PHF21A: variants seen among roughly 807,000 people sequenced by gnomAD.
The protein encoded by PHF21A is BHC80a.
Under a neutral mutation model 82.5 loss-of-function variants are expected in PHF21A, and 11 were observed. That is an observed-to-expected ratio of 0.13 (90% CI 0.08 to 0.22). PHF21A has a LOEUF of 0.22. PHF21A is among the 10% of genes least tolerant of loss of function. The pLI is 1.00. For missense variants in PHF21A, 579 were observed against 837.8 expected (o/e 0.69, Z 3.81); for synonymous variants, 297 against 302.8 (o/e 0.98, Z 0.20).
intron 6 of PHF21A, among the ~76,000 whole-genome samples, chr11:46,000,747 C>G (rs2095094960): frequency 6.6e-6 from 1 of 151,840 alleles, no homozygotes. Context: ...GGGTGAAACC[C>G]CATCTCTACT....
chr11:46,120,389 G>A (rs914925331), intron 1 of PHF21A: 1 of 104,392 alleles, frequency 9.6e-6, no homozygotes, highest in Admixed American at 8.7e-5. Flanking sequence ...CGTGCCCCCC[G>A]CCCCCGCCCG....
intron 10 of PHF21A, among the ~76,000 whole-genome samples, chr11:45,964,441 G>GC (rs563917036): frequency 3.3e-5 from 5 of 152,216 alleles, no homozygotes; most frequent in Admixed American, 2.6e-4. Flanking sequence ...GCAGCAGGCA[G>GC]CATCTGAACA....
intron 10 of PHF21A, among the ~76,000 whole-genome samples, chr11:45,954,739 C>T (rs948194804): frequency 6.6e-6 from 1 of 152,104 alleles, no homozygotes; most frequent in African/African-American, 2.4e-5. Flanking sequence ...TAAACACAAA[C>T]CTAATTTACT....
At position 45,932,863 on chromosome 11, in the gene PHF21A, A is replaced by T. The variant is rs2134901647; in HGVS notation, c.*1105T>A. 6.5e-6 allele frequency: 1 copy of T among 152,702 alleles called. No homozygotes were observed. Among genetic ancestry groups the T allele is most frequent in the African/African-American group, 2.4e-5 (1 of 41,576 alleles). 9.5% of individuals were successfully genotyped at this position (152,702 alleles called of 1,614,324 possible). ...ACCATGCAAGGTCTTGGCTACCCTTAATTGGACTGTCAGCCTGAAAAACAG... is the reference window on the plus strand; with the variant it reads ...ACCATGCAAGGTCTTGGCTACCCTTTATTGGACTGTCAGCCTGAAAAACAG... On this transcript the variant is annotated 3_prime_UTR_variant, in exon 19 of 19. Coordinates refer to ENST00000676320, the MANE Select transcript of PHF21A (RefSeq NM_001352027.3). The surrounding 1 kb of genome is among the most constrained non-coding windows in gnomAD (Gnocchi z 4.3).
chr11:45,929,899 C>T lies in PHF21A; in HGVS notation c.*4069G>A, dbSNP rs2087507290. 1 of 152,344 alleles carries T rather than the reference C, an allele frequency of 6.6e-6. No homozygotes were observed. Among genetic ancestry groups the T allele is most frequent in the South Asian group, 2.1e-4 (1 of 4,828 alleles). 9.4% of individuals were successfully genotyped at this position (152,344 alleles called of 1,614,324 possible). On this transcript the variant is annotated 3_prime_UTR_variant, in exon 19 of 19. Coordinates refer to ENST00000676320, the MANE Select transcript of PHF21A (RefSeq NM_001352027.3). Reference sequence around the variant, plus strand: ...TCTAAGTCAGGGTGAGGATGGGAGTCCTGCTTCCTGCCAGGGGTGCCCGGC... The same window carrying T: ...TCTAAGTCAGGGTGAGGATGGGAGTTCTGCTTCCTGCCAGGGGTGCCCGGC...
chr11:46,032,810 C>T (rs949708990), intron 6 of PHF21A, among the ~76,000 whole-genome samples: 2 of 151,778 alleles, frequency 1.3e-5, no homozygotes, highest in East Asian at 1.9e-4. Context: ...AACTGAGCAT[C>T]GCTTCATATT....
At chr11:46,097,594 A>G (rs1190821333) in intron 1 of PHF21A, among the ~76,000 whole-genome samples, 2 of 152,206 alleles carry the variant, frequency 1.3e-5, no homozygotes, top group South Asian at 2.1e-4. Flanking sequence ...GCTCTTCCTT[A>G]TAACAAGAAT....
At chr11:46,037,467 C>A (rs2096030200) in intron 6 of PHF21A, among the ~76,000 whole-genome samples, 1 of 152,036 alleles carries the variant, frequency 6.6e-6, no homozygotes, top group Non-Finnish European at 1.5e-5. Context: ...CATGGAGAAA[C>A]CCCGTCTCTA....
At chr11:46,062,291 C>G (rs2096544993) in intron 6 of PHF21A, among the ~76,000 whole-genome samples, 1 of 151,958 alleles carries the variant, frequency 6.6e-6, no homozygotes, top group African/African-American at 2.4e-5. Context: ...CTGGTTTTCT[C>G]TTCTCCATTT....
At chr11:46,004,344 A>G (rs2137117089) in intron 6 of PHF21A, among the ~76,000 whole-genome samples, 1 of 152,282 alleles carries the variant, frequency 6.6e-6, no homozygotes, top group South Asian at 2.1e-4. Context: ...AAAGTGAATC[A>G]ATTTGAGATG....
intron 6 of PHF21A, among the ~76,000 whole-genome samples, chr11:45,983,307 A>T (rs1360024544): frequency 1.3e-5 from 2 of 152,134 alleles, no homozygotes; most frequent in African/African-American, 4.8e-5. Flanking sequence ...GAGGAGGGAA[A>T]AAAAAAAGGA....
At chr11:45,974,520 C>T (rs2093932867) in intron 7 of PHF21A, among the ~76,000 whole-genome samples, 1 of 151,974 alleles carries the variant, frequency 6.6e-6, no homozygotes, top group South Asian at 2.1e-4. Context: ...GTGGCGTAAT[C>T]ACAGCTCACT....
chr11:46,109,343 T>C (rs890843987), intron 1 of PHF21A, among the ~76,000 whole-genome samples: 3 of 152,192 alleles, frequency 2.0e-5, no homozygotes, highest in Non-Finnish European at 4.4e-5. Flanking sequence ...GCACTATACA[T>C]AATAAACACT....
intron 1 of PHF21A, among the ~76,000 whole-genome samples, chr11:46,095,494 G>C (rs2135556967): frequency 6.6e-6 from 1 of 152,080 alleles, no homozygotes; most frequent in Admixed American, 6.5e-5. Flanking sequence ...AATTATTTTT[G>C]CTTTTAGAGG....
intron 1 of PHF21A, among the ~76,000 whole-genome samples, chr11:46,102,340 T>C (rs1168713659): frequency 6.6e-6 from 1 of 152,232 alleles, no homozygotes; most frequent in Non-Finnish European, 1.5e-5. Context: ...CAAACAATTA[T>C]GTTAACAATT....
chr11:46,012,707 C>G (rs2095435646), intron 6 of PHF21A, among the ~76,000 whole-genome samples: 1 of 152,120 alleles, frequency 6.6e-6, no homozygotes. Flanking sequence ...CTCCTGCAAC[C>G]CTACACCCAC....
chr11:45,947,313 A>G (rs2091446920), intron 14 of PHF21A, among the ~76,000 whole-genome samples: 1 of 152,188 alleles, frequency 6.6e-6, no homozygotes, highest in South Asian at 2.1e-4. Flanking sequence ...AACACACCAA[A>G]GGAAAAAAAA....
chr11:46,025,404 C>T (rs2095719789), intron 6 of PHF21A, among the ~76,000 whole-genome samples: 1 of 152,168 alleles, frequency 6.6e-6, no homozygotes, highest in African/African-American at 2.4e-5. Flanking sequence ...TAGATATCCC[C>T]TTTCTTCCTG....
chr11:46,079,656 A>C (rs1447467974), intron 4 of PHF21A, among the ~76,000 whole-genome samples: 4 of 152,196 alleles, frequency 2.6e-5, no homozygotes, highest in African/African-American at 9.6e-5. Context: ...TCTCTCAAGA[A>C]GGAGTTCGGT....
Sources: gnomAD v4.1 joint callset for allele counts (sites outside exome capture counted in the v4.1 genomes callset) on GRCh38, gnomAD v4.1.1 for gene constraint, Gnocchi (gnomAD v3.1) non-coding constraint, MANE v1.5 for transcripts, NCBI Gene and HGNC (gene_info 2026-07-23, HGNC 2026-07-21) for gene names.